The following CDH13 variants were observed in gnomAD, a reference collection of about 807,000 sequenced individuals.
CDH13 encodes the protein cadherin 13.
CDH13 carries 24 observed loss-of-function variants against 63.8 expected under a neutral mutation model. That is an observed-to-expected ratio of 0.38 (90% CI 0.27 to 0.53). The LOEUF is 0.53. CDH13 is among the 20% of genes least tolerant of loss of function. CDH13 has a pLI of 0.85. For synonymous variants in CDH13, 503 were observed against 355.3 expected (o/e 1.42, Z -4.67); for missense variants, 1,049 against 903.1 (o/e 1.16, Z -2.07).
intron 2 of CDH13, among the ~76,000 whole-genome samples, chr16:82,933,215 C>T (rs1226873454): frequency 1.3e-5 from 2 of 152,064 alleles, no homozygotes; most frequent in African/African-American, 4.8e-5. Context: ...CATGGTTTTG[C>T]ATGGCTGGTG....
At position 82,966,533 on chromosome 16, in the gene CDH13, C is replaced by G. The variant is rs574540019; in HGVS notation, c.158-65477C>G. On this transcript the variant is annotated intron_variant, in intron 2 of 13. Transcript: ENST00000567109. ...GTTCATCACTGCCAGTCAATCTGGG[C>G]TCAAACATTCCGATCCAGATTGCTC... 2.3e-3 allele frequency among the ~76,000 whole-genome samples: 349 copies of G among 152,294 alleles called. 3 individuals are homozygous for G. The highest frequency in any genetic ancestry group is 0.017 in the Middle Eastern group (5 of 294).
At position 82,626,998 on chromosome 16, in the gene CDH13, G is replaced by C; in HGVS notation, c.-95G>C. ...GGGAAGTTGGCTGGCTGGCGAGGCA[G>C]AGCCTCTCCTCAAAGCCTGGCTCCC... On this transcript the variant is annotated 5_prime_UTR_variant, in exon 1 of 14. Coordinates refer to ENST00000567109, the MANE Select transcript of CDH13 (RefSeq NM_001257.5). The C allele has an allele frequency of 1.4e-6, 2 of 1,421,534 alleles. No homozygotes were observed. The highest frequency in any genetic ancestry group is 9.7e-7 in the Non-Finnish European group (1 of 1,028,694). The allele number at this position is 1,421,534 out of a possible 1,614,324, so 88.1% of individuals were successfully genotyped here. A position where few individuals can be genotyped will look rare whatever the true frequency, so the allele number is the denominator to read the frequency against.
chr16:83,712,587 G>T (rs1484694824), intron 10 of CDH13, among the ~76,000 whole-genome samples: 2 of 152,226 alleles, frequency 1.3e-5, no homozygotes, highest in Admixed American at 6.5e-5. Flanking sequence ...AAGCACAGGT[G>T]CTGTACCTGT....
intron 10 of CDH13, among the ~76,000 whole-genome samples, chr16:83,714,844 G>T (rs1036845772): frequency 2.6e-5 from 4 of 152,082 alleles, no homozygotes; most frequent in Non-Finnish European, 5.9e-5. Context: ...CGATGAGAAT[G>T]GGTCTTTATC....
chr16:83,258,931 G>T (rs1047494272), intron 5 of CDH13, among the ~76,000 whole-genome samples: 5 of 152,156 alleles, frequency 3.3e-5, no homozygotes, highest in African/African-American at 9.7e-5. Flanking sequence ...CTTTGAAGAG[G>T]GTGAGTGCTA....
intron 2 of CDH13, among the ~76,000 whole-genome samples, chr16:82,974,174 AGTGAT>A (rs1567709866): frequency 6.6e-6 from 1 of 152,162 alleles, no homozygotes; most frequent in East Asian, 1.9e-4. Context: ...CCTGACCTCA[AGTGAT>A]GCTCCCACCT....
chr16:82,902,749 C>T (rs765052351), intron 2 of CDH13, among the ~76,000 whole-genome samples: 10 of 152,110 alleles, frequency 6.6e-5, no homozygotes, highest in East Asian at 1.9e-4. Flanking sequence ...ATTTCCCCAA[C>T]GAAACCTACC....
At chr16:83,217,911 G>A (rs544045379) in intron 5 of CDH13, among the ~76,000 whole-genome samples, 73 of 152,280 alleles carry the variant, frequency 4.8e-4, no homozygotes, top group African/African-American at 1.6e-3. Context: ...CAGCCATAAA[G>A]GAGTAGTTAA....
At position 82,890,534 on chromosome 16, in the gene CDH13, G is replaced by C. The variant is rs568017262; in HGVS notation, c.157+32061G>C. Among the ~76,000 whole-genome samples, 4 of 152,266 alleles carry C rather than the reference G, an allele frequency of 2.6e-5. No homozygotes were observed. The South Asian group carries it at 6.2e-4, about 24-fold the overall frequency. ...ATCAACAGATGAAATTATTCCATCA[G>C]GATAGTAAATTAAATGGCAGTCTTA... On this transcript the variant is annotated intron_variant, in intron 2 of 13. Transcript: ENST00000567109.
At chr16:83,433,717 C>G (rs1457551064) in intron 6 of CDH13, among the ~76,000 whole-genome samples, 8 of 152,162 alleles carry the variant, frequency 5.3e-5, no homozygotes, top group African/African-American at 1.7e-4. Flanking sequence ...GGCAAACAGG[C>G]TGATGTAGAT....
At chr16:82,762,279 C>G (rs16958546) in intron 1 of CDH13, among the ~76,000 whole-genome samples, 15,080 of 152,172 alleles carry the variant, frequency 0.099, 1,578 homozygotes, top group African/African-American at 0.27. Context: ...ATTTTTAAGA[C>G]TTCTGTGCCG....
intron 1 of CDH13, among the ~76,000 whole-genome samples, chr16:82,695,746 A>T (rs550497132): frequency 6.6e-6 from 1 of 152,364 alleles, no homozygotes; most frequent in Admixed American, 6.5e-5. Context: ...ACAGCAGGAG[A>T]TTTGAACACA....
intron 5 of CDH13, among the ~76,000 whole-genome samples, chr16:83,266,101 T>G (rs1327860052): frequency 6.6e-6 from 1 of 152,054 alleles, no homozygotes; most frequent in African/African-American, 2.4e-5. Flanking sequence ...CACGTCCGGC[T>G]AATTTTTGTG....
intron 1 of CDH13, among the ~76,000 whole-genome samples, chr16:82,714,905 C>T (rs2032252062): frequency 1.6e-5 from 2 of 128,036 alleles, no homozygotes; most frequent in South Asian, 3.2e-4. Flanking sequence ...ACTTTTCTGA[C>T]ACTTTGATTT....
At chr16:83,300,395 A>G (rs2089705952) in intron 5 of CDH13, among the ~76,000 whole-genome samples, 1 of 152,244 alleles carries the variant, frequency 6.6e-6, no homozygotes, top group Admixed American at 6.5e-5. Context: ...TACAACATAC[A>G]GTTCTGTGTC....
intron 1 of CDH13, among the ~76,000 whole-genome samples, chr16:82,721,530 C>T (rs773457929): frequency 5.3e-5 from 8 of 151,928 alleles, no homozygotes; most frequent in South Asian, 2.1e-4. Flanking sequence ...ACACTGCTCA[C>T]GTAGGCAGGA....
At chr16:83,411,374 C>T (rs1275553276) in intron 6 of CDH13, among the ~76,000 whole-genome samples, 1 of 152,140 alleles carries the variant, frequency 6.6e-6, no homozygotes, top group Admixed American at 6.5e-5. Context: ...CACAAGCATC[C>T]AATGTATATC....
chr16:83,494,098 A>G (rs1274078855), intron 7 of CDH13, among the ~76,000 whole-genome samples: 2 of 152,210 alleles, frequency 1.3e-5, no homozygotes, highest in Non-Finnish European at 2.9e-5. Context: ...AGAAAGATTC[A>G]TCTTTTTAGA....
rs139387570 is a variant in CDH13, at chr16:83,242,873, C to A, written c.636+25376C>A. Reference sequence around the variant, plus strand: ...TCCCCTGACTCAGCTGGATTCTCATCTTCTCTGGCTCAGAGGGGAGTATCA... The same window carrying A: ...TCCCCTGACTCAGCTGGATTCTCATATTCTCTGGCTCAGAGGGGAGTATCA... On this transcript the variant is annotated intron_variant, in intron 5 of 13. Transcript: ENST00000567109. Among the ~76,000 whole-genome samples, 174 of 152,348 alleles carry A rather than the reference C, an allele frequency of 1.1e-3. 1 individual carries two copies. Among genetic ancestry groups the A allele is most frequent in the Admixed American group, 0.011 (166 of 15,304 alleles).
Sources: allele counts gnomAD v4.1 joint callset (sites outside exome capture counted in the v4.1 genomes callset), GRCh38; gene constraint gnomAD v4.1.1; transcripts MANE v1.5; gene names NCBI Gene and HGNC (gene_info 2026-07-23, HGNC 2026-07-21).